The following UBE2E2 variants were observed in gnomAD, a reference collection of about 807,000 sequenced individuals.
The protein encoded by UBE2E2 is ubiquitin conjugating enzyme E2 E2.
A neutral mutation model predicts 24.7 loss-of-function variants in UBE2E2; 6 were observed. That is an observed-to-expected ratio of 0.24 (90% CI 0.13 to 0.48). The LOEUF is 0.48. Ranked by LOEUF, UBE2E2 falls within the 20% of genes least tolerant of loss-of-function variation. UBE2E2 has a pLI of 0.99. For missense variants in UBE2E2, 169 were observed against 245.0 expected (o/e 0.69, Z 2.07); for synonymous variants, 104 against 83.6 (o/e 1.24, Z -1.33).
chr3:23,522,147 T>TGAGGC (rs58609586), intron 4 of UBE2E2, among the ~76,000 whole-genome samples: 12,324 of 76,754 alleles, frequency 0.16, 449 homozygotes, highest in African/African-American at 0.37. Context: ...TTTTTTTTTT[T>TGAGGC]TGAGGCAGAG....
chr3:23,407,533 C>T lies in UBE2E2; in HGVS notation c.228-92075C>T, dbSNP rs950165161. ...GTACTCATCCCTCTTCTTTCACTAC[C>T]GTCAACATTTGCTACATCCTTTATC... On this transcript the variant is annotated intron_variant, in intron 3 of 5. Transcript: ENST00000396703. The surrounding 1 kb of genome is among the most constrained non-coding windows in gnomAD (Gnocchi z 4.0). 2.0e-5 allele frequency among the ~76,000 whole-genome samples: 3 copies of T among 151,950 alleles called. No homozygotes were observed. Among genetic ancestry groups the T allele is most frequent in the Non-Finnish European group, 4.4e-5 (3 of 68,004 alleles).
intron 3 of UBE2E2, among the ~76,000 whole-genome samples, chr3:23,331,674 G>C (rs1695062844): frequency 6.6e-6 from 1 of 152,092 alleles, no homozygotes; most frequent in African/African-American, 2.4e-5. Flanking sequence ...AGGGACCAGT[G>C]GGAGATTAGA....
chr3:23,342,348 A>G (rs558301982), intron 3 of UBE2E2, among the ~76,000 whole-genome samples: 97 of 152,026 alleles, frequency 6.4e-4, no homozygotes, highest in Admixed American at 2.0e-3. Context: ...CCATCCATCA[A>G]ATCTTTTGTG....
At chr3:23,211,225 T>C (rs1458747925) in intron 2 of UBE2E2, among the ~76,000 whole-genome samples, 1 of 152,146 alleles carries the variant, frequency 6.6e-6, no homozygotes, top group Non-Finnish European at 1.5e-5. Flanking sequence ...AAGTTAGAGG[T>C]AGTTTCAAAA....
At chr3:23,487,652 G>A (rs1203340432) in intron 3 of UBE2E2, among the ~76,000 whole-genome samples, 1 of 152,146 alleles carries the variant, frequency 6.6e-6, no homozygotes, top group Non-Finnish European at 1.5e-5. Context: ...TACTTTTTCA[G>A]AGATGGACAA....
intron 3 of UBE2E2, among the ~76,000 whole-genome samples, chr3:23,379,257 ATTATAC>A (rs150585137): frequency 0.066 from 9,692 of 146,454 alleles, 448 homozygotes; most frequent in Non-Finnish European, 0.089. Flanking sequence ...ATTTTTTTTT[ATTATAC>A]TTTAAGTTTT....
intron 3 of UBE2E2, among the ~76,000 whole-genome samples, chr3:23,291,684 T>C (rs1480226256): frequency 2.6e-5 from 1 of 39,178 alleles, no homozygotes; most frequent in African/African-American, 1.2e-4. Flanking sequence ...TTTAAGGGGC[T>C]TTTTTTTTTT....
chr3:23,268,219 G>A (rs1313345032), intron 3 of UBE2E2, among the ~76,000 whole-genome samples: 1 of 148,160 alleles, frequency 6.7e-6, no homozygotes, highest in African/African-American at 2.5e-5. Flanking sequence ...AATTAGGCAG[G>A]AGAAGGAAAT....
At chr3:23,395,126 A>G (rs1559371155) in intron 3 of UBE2E2, among the ~76,000 whole-genome samples, 1 of 152,218 alleles carries the variant, frequency 6.6e-6, no homozygotes, top group East Asian at 1.9e-4. Context: ...CTCTTTGTAT[A>G]GATGAACGTG....
At chr3:23,286,895 A>C (rs1249529610) in intron 3 of UBE2E2, among the ~76,000 whole-genome samples, 1 of 152,072 alleles carries the variant, frequency 6.6e-6, no homozygotes, top group Non-Finnish European at 1.5e-5. Flanking sequence ...ATTTAATTTT[A>C]TCTGTTGCTA....
At chr3:23,555,737 A>T (rs1428540743) in intron 5 of UBE2E2, among the ~76,000 whole-genome samples, 1 of 152,210 alleles carries the variant, frequency 6.6e-6, no homozygotes, top group African/African-American at 2.4e-5. Flanking sequence ...ATTTACTGAA[A>T]CATGGAAGGA....
chr3:23,281,975 A>G (rs975528699), intron 3 of UBE2E2, among the ~76,000 whole-genome samples: 3 of 152,202 alleles, frequency 2.0e-5, no homozygotes, highest in Non-Finnish European at 4.4e-5. Flanking sequence ...TAGTCCTCAA[A>G]ATCATCCTAA....
rs188982141 is a variant in UBE2E2 at position 23,441,505 on chromosome 3, C to G, written c.228-58103C>G. Among the ~76,000 whole-genome samples the G allele has an allele frequency of 1.1e-4, 15 of 140,794 alleles. No individual in the cohort carries two copies. The Admixed American group carries it at 1.1e-3, about 11-fold the overall frequency. The allele number at this position is 140,794 out of a possible 152,430, so 92.4% of individuals were successfully genotyped here. A position where few individuals can be genotyped will look rare whatever the true frequency, so the allele number is the denominator to read the frequency against. ...AGTGAGCCGAGATCGCGCCACTGCA[C>G]TCCAGCCTGGGCGACAAAGCGAGAC... On this transcript the variant is annotated intron_variant, in intron 3 of 5. Transcript: ENST00000396703.
intron 3 of UBE2E2, among the ~76,000 whole-genome samples, chr3:23,345,099 C>G (rs905374121): frequency 1.3e-5 from 2 of 152,172 alleles, no homozygotes; most frequent in Non-Finnish European, 2.9e-5. Flanking sequence ...TTGCACATTT[C>G]TAGTTCTGCC....
intron 3 of UBE2E2, among the ~76,000 whole-genome samples, chr3:23,464,233 A>G (rs1296032940): frequency 6.6e-6 from 1 of 152,170 alleles, no homozygotes; most frequent in Non-Finnish European, 1.5e-5. Context: ...TGTTTAATCT[A>G]CTATTTAAAT....
At chr3:23,396,597 T>A (rs1051611497) in intron 3 of UBE2E2, among the ~76,000 whole-genome samples, 1 of 152,004 alleles carries the variant, frequency 6.6e-6, no homozygotes, top group Non-Finnish European at 1.5e-5. Flanking sequence ...AGTAGATCAG[T>A]AGACCTGAGT....
At chr3:23,355,285 C>G (rs926197102) in intron 3 of UBE2E2, among the ~76,000 whole-genome samples, 1 of 151,692 alleles carries the variant, frequency 6.6e-6, no homozygotes, top group Admixed American at 6.6e-5. Context: ...TGCTACATGA[C>G]GAGTTAATGG....
At chr3:23,500,680 A>G (rs1006735281) in intron 4 of UBE2E2, among the ~76,000 whole-genome samples, 4 of 152,160 alleles carry the variant, frequency 2.6e-5, no homozygotes, top group African/African-American at 9.7e-5. Flanking sequence ...GTTCACCATG[A>G]CTTTCTATAA....
chr3:23,208,479 G>C (rs1039971881), intron 1 of UBE2E2, among the ~76,000 whole-genome samples: 1 of 152,122 alleles, frequency 6.6e-6, no homozygotes, highest in South Asian at 2.1e-4. Context: ...AACATTTCAT[G>C]TATAAATTTT....
Sources: gnomAD v4.1 joint callset for allele counts (sites outside exome capture counted in the v4.1 genomes callset) on GRCh38, gnomAD v4.1.1 for gene constraint, Gnocchi (gnomAD v3.1) non-coding constraint, MANE v1.5 for transcripts, NCBI Gene and HGNC (gene_info 2026-07-23, HGNC 2026-07-21) for gene names.